Variants in CIMIP5 observed in about 807,000 individuals in gnomAD.
CIMIP5 encodes the protein ciliary microtubule inner protein 5.
chr2:11,141,517 A>G, the CIMIP5 span, among the ~76,000 whole-genome samples: 6 of 151,436 alleles, frequency 4.0e-5, no homozygotes, highest in Non-Finnish European at 7.4e-5. Context: ...ACTCCTATTC[A>G]CTCTTCAAGA....
the CIMIP5 span, among the ~76,000 whole-genome samples, chr2:11,151,182 G>A: frequency 2.0e-5 from 3 of 152,198 alleles, no homozygotes; most frequent in Admixed American, 6.5e-5. Flanking sequence ...GTTACTGGAT[G>A]GAACCAAAGT....
chr2:11,144,044 G>C, the CIMIP5 span: 3 of 1,604,608 alleles, frequency 1.9e-6, no homozygotes, highest in East Asian at 2.2e-5. Flanking sequence ...ACTCTCATCC[G>C]CATGGACTTC....
At chr2:11,134,534 G>A in the CIMIP5 span, among the ~76,000 whole-genome samples, 1 of 152,162 alleles carries the variant, frequency 6.6e-6, no homozygotes, top group South Asian at 2.1e-4. Context: ...TTTGCTTCCA[G>A]GAGTCTATTT....
chr2:11,141,348 C>T, the CIMIP5 span, among the ~76,000 whole-genome samples: 30 of 151,984 alleles, frequency 2.0e-4, no homozygotes, highest in Middle Eastern at 3.4e-3. Context: ...AGGCTGGTCT[C>T]GAACTCCTGA....
the CIMIP5 span, chr2:11,146,429 G>A: frequency 2.6e-5 from 4 of 152,098 alleles, no homozygotes; most frequent in East Asian, 5.8e-4. Flanking sequence ...CAAATTACAG[G>A]ATTTTTCTGC....
chr2:11,150,491 C>T, the CIMIP5 span, among the ~76,000 whole-genome samples: 1 of 151,902 alleles, frequency 6.6e-6, no homozygotes, highest in Non-Finnish European at 1.5e-5. Context: ...TGCCACCATG[C>T]CCGGCTAATT....
the CIMIP5 span, chr2:11,140,397 A>AC: frequency 1.0e-5 from 6 of 580,374 alleles, no homozygotes; most frequent in African/African-American, 1.0e-4. Flanking sequence ...AAAAAAAAAA[A>AC]ATTATTTAGT....
At chr2:11,134,761 C>A in the CIMIP5 span, among the ~76,000 whole-genome samples, 1 of 152,186 alleles carries the variant, frequency 6.6e-6, no homozygotes, top group Non-Finnish European at 1.5e-5. Flanking sequence ...CTACAATGGG[C>A]ATGGGAGTGA....
the CIMIP5 span, among the ~76,000 whole-genome samples, chr2:11,139,678 A>G: frequency 6.6e-6 from 1 of 152,212 alleles, no homozygotes; most frequent in African/African-American, 2.4e-5. Context: ...GCCCCACCAT[A>G]GTGACATCAT....
the CIMIP5 span, among the ~76,000 whole-genome samples, chr2:11,139,105 A>G: frequency 6.6e-6 from 1 of 151,946 alleles, no homozygotes; most frequent in Admixed American, 6.6e-5. Context: ...TTTGGTGGAG[A>G]CAGGGTTTCA....
At chr2:11,134,124 A>G in the CIMIP5 span, among the ~76,000 whole-genome samples, 1 of 152,148 alleles carries the variant, frequency 6.6e-6, no homozygotes, top group African/African-American at 2.4e-5. Flanking sequence ...GTAAGAAGGA[A>G]ACAGTTCAGG....
At chr2:11,137,864 G>A in the CIMIP5 span, among the ~76,000 whole-genome samples, 2 of 152,176 alleles carry the variant, frequency 1.3e-5, no homozygotes, top group African/African-American at 4.8e-5. Context: ...TCTTTATTTT[G>A]AGACGGAGTC....
At chr2:11,146,557 C>T in the CIMIP5 span, 4 of 152,206 alleles carry the variant, frequency 2.6e-5, no homozygotes, top group Admixed American at 6.5e-5. Flanking sequence ...GGACAGGACA[C>T]GTTATTTCCA....
chr2:11,142,028 G>A, the CIMIP5 span, among the ~76,000 whole-genome samples: 1,015 of 152,218 alleles, frequency 6.7e-3, 10 homozygotes, highest in African/African-American at 0.023. Flanking sequence ...CACTTTGGGA[G>A]GCCGAGGCAG....
At chr2:11,133,688 G>T in the CIMIP5 span, 1 of 1,478,916 alleles carries the variant, frequency 6.8e-7, no homozygotes, top group Non-Finnish European at 9.0e-7. Flanking sequence ...CAAATGATCT[G>T]GCTGAGGGAC....
the CIMIP5 span, among the ~76,000 whole-genome samples, chr2:11,137,962 C>T: frequency 6.6e-6 from 1 of 152,198 alleles, no homozygotes; most frequent in Non-Finnish European, 1.5e-5. Flanking sequence ...TCTCCTGCCT[C>T]GGCCTCCCAA....
the CIMIP5 span, among the ~76,000 whole-genome samples, chr2:11,150,641 T>A: frequency 5.3e-5 from 3 of 56,314 alleles, no homozygotes; most frequent in East Asian, 2.2e-3. Flanking sequence ...GGTTTAGGAA[T>A]TTTTTTTTTT....
the CIMIP5 span, chr2:11,143,931 G>A: frequency 1.9e-6 from 3 of 1,589,548 alleles, no homozygotes; most frequent in Non-Finnish European, 2.6e-6. Flanking sequence ...GCAACAAGAA[G>A]GAGCCTGAGA....
At chr2:11,152,902 A>G in the CIMIP5 span, among the ~76,000 whole-genome samples, 2 of 152,164 alleles carry the variant, frequency 1.3e-5, no homozygotes, top group Non-Finnish European at 2.9e-5. Context: ...CAGCTTCAGG[A>G]GCAAAGCCAG....
Sources: allele counts gnomAD v4.1 joint callset (sites outside exome capture counted in the v4.1 genomes callset), GRCh38; gene constraint gnomAD v4.1.1; transcripts MANE v1.5; gene names NCBI Gene and HGNC (gene_info 2026-07-23, HGNC 2026-07-21).